The following TUBB1 variants were observed in gnomAD, a reference collection of about 807,000 sequenced individuals.
The protein encoded by TUBB1 is tubulin beta-1 chain.
Under a neutral mutation model 22.6 loss-of-function variants are expected in TUBB1, and 28 were observed. The observed-to-expected ratio is 1.24, with a 90% CI of 0.92 to 1.70. The LOEUF is 1.70. TUBB1 is among the 40% of genes most tolerant of loss of function. The pLI, the probability that TUBB1 is intolerant of heterozygous loss-of-function variation, is 0.00. For missense variants in TUBB1, 577 were observed against 605.5 expected, an observed-to-expected ratio of 0.95 and a Z score of 0.49; for synonymous variants, 226 against 238.0, an observed-to-expected ratio of 0.95 and a Z score of 0.46.
chr20:59,023,655 CCTTCT>C, intron 3 of TUBB1, 45 bp from the exon 4 acceptor site: 1 of 1,613,172 alleles, frequency 6.2e-7, no homozygotes, highest in Non-Finnish European at 8.5e-7. Flanking sequence ...TTACTGGTGC[CCTTCT>C]CTTTTCACCT....
chr20:59,018,221 A>G (rs1344227496), upstream of TUBB1, among the ~76,000 whole-genome samples: 1 of 152,148 alleles, frequency 6.6e-6, no homozygotes, highest in African/African-American at 2.4e-5. Context: ...CCTCCTGGGC[A>G]AGGATATGGA....
chr20:59,026,566 T>C lies in TUBB1; in HGVS notation c.*1783T>C, dbSNP rs1434477496. 1 of 152,244 alleles carries C rather than the reference T, an allele frequency of 6.6e-6. No individual in the cohort carries two copies. Among genetic ancestry groups the C allele is most frequent in the East Asian group, 1.9e-4 (1 of 5,196 alleles). The allele number at this position is 152,244 out of a possible 1,614,324, so 9.4% of individuals were successfully genotyped here. A position where few individuals can be genotyped will look rare whatever the true frequency, so the allele number is the denominator to read the frequency against. On this transcript the variant is annotated 3_prime_UTR_variant, in exon 4 of 4. Coordinates refer to ENST00000217133, the MANE Select transcript of TUBB1 (RefSeq NM_030773.4). Reference sequence around the variant, plus strand: ...TTACTGTAAAGATTTGTTTGCTCAATAGTAATCATTAAACTACAAAGTAAT... The same window carrying C: ...TTACTGTAAAGATTTGTTTGCTCAACAGTAATCATTAAACTACAAAGTAAT...
chr20:59,018,551 G>A (rs1010390887), upstream of TUBB1, among the ~76,000 whole-genome samples: 5 of 152,044 alleles, frequency 3.3e-5, no homozygotes, highest in African/African-American at 4.8e-5. Flanking sequence ...GAGACTACAT[G>A]TGTGTGCCAC....
intron 1 of TUBB1, 126 bp from the exon 2 acceptor site, chr20:59,022,719 C>T (rs1326211067): frequency 1.3e-6 from 1 of 795,108 alleles, no homozygotes; most frequent in Non-Finnish European, 2.2e-6. Flanking sequence ...ATGAAAAGGC[C>T]CTAAAAGAAT....
At chr20:59,019,071 G>A (rs990142484), upstream of TUBB1, among the ~76,000 whole-genome samples, 1 of 152,198 alleles carries the variant, frequency 6.6e-6, no homozygotes, top group African/African-American at 2.4e-5. Context: ...AAAGGGGCCG[G>A]GAAGATGGAC....
intron 1 of TUBB1, among the ~76,000 whole-genome samples, chr20:59,020,075 C>T (rs2091961031): frequency 6.6e-6 from 1 of 151,844 alleles, no homozygotes; most frequent in Admixed American, 6.6e-5. Flanking sequence ...ACAGGGATCT[C>T]ACTTTGTTGC....
At chr20:59,016,937 A>G (rs998618025), upstream of TUBB1, among the ~76,000 whole-genome samples, 1 of 152,174 alleles carries the variant, frequency 6.6e-6, no homozygotes, top group Non-Finnish European at 1.5e-5. Flanking sequence ...TGAGCACAAA[A>G]AAGTTCCAAA....
At chr20:59,019,793 A>G (rs1053150465) in intron 1 of TUBB1, among the ~76,000 whole-genome samples, 2 of 152,220 alleles carry the variant, frequency 1.3e-5, no homozygotes, top group African/African-American at 4.8e-5. Flanking sequence ...TACAACACAC[A>G]TTAAGTGCTT....
rs760429735 is a variant in TUBB1, at chr20:59,019,513, C to CA, written c.-9dup. On this transcript the variant is annotated 5_prime_UTR_variant, in exon 1 of 4. Transcript: ENST00000217133. ...TCCGTGAAGATCTCAGACTTGGGCT[C>CA]AGAGCAAGGATGCGTGAAATTGTCC... 3.1e-6 allele frequency: 5 copies of CA among 1,613,986 alleles called. No homozygotes were observed. In the Admixed American group the frequency reaches 8.3e-5, roughly 27 times the overall value.
rs1206902048 is a variant in TUBB1 at position 59,024,998 on chromosome 20, A to C, written c.*215A>C. ...ACATCTACTAACCTTGAAGAGTTTG[A>C]TGTTCAGTGCATACTTATTAACTTA... On this transcript the variant is annotated 3_prime_UTR_variant, in exon 4 of 4. Coordinates refer to ENST00000217133, the MANE Select transcript of TUBB1 (RefSeq NM_030773.4). This position sits in a 1 kb window ranked among gnomAD's most constrained non-coding sequence, Gnocchi z 4.9. 1 of 610,500 alleles carries C rather than the reference A, an allele frequency of 1.6e-6. No homozygotes were observed. Among genetic ancestry groups the C allele is most frequent in the Non-Finnish European group, 2.9e-6 (1 of 342,452 alleles). 37.8% of individuals were successfully genotyped at this position (610,500 alleles called of 1,614,324 possible).
rs748132439 is a variant in TUBB1 at position 59,023,793 on chromosome 20, CGA to C, written c.370_371del (p.Ser124Ter). Reference sequence around the variant, plus strand: ...AGAATGTCCTAGAGGTGGTGAGGCACGAGAGTGAGAGCTGTGACTGCCTGCAG... The same window carrying C: ...AGAATGTCCTAGAGGTGGTGAGGCACGAGTGAGAGCTGTGACTGCCTGCAG... ...IENVLEVVRH[E>X]SESCDCLQGF... On this transcript the variant is annotated frameshift_variant, in exon 4 of 4. Transcript: ENST00000217133. LOFTEE classifies it high-confidence loss of function. The C allele has an allele frequency of 3.1e-6, 5 of 1,614,016 alleles. No homozygotes were observed. Among genetic ancestry groups the C allele is most frequent in the South Asian group, 1.1e-5 (1 of 91,084 alleles).
chr20:59,024,574 G>C lies in TUBB1; in HGVS notation c.1147G>C (p.Glu383Gln). ...AIQEIFNRVS[E>Q]HFSAMFKRKA... ...CCAAGAGATCTTTAATAGGGTCTCTGAGCATTTCTCAGCCATGTTCAAAAG... is the reference window on the plus strand; with the variant it reads ...CCAAGAGATCTTTAATAGGGTCTCTCAGCATTTCTCAGCCATGTTCAAAAG... Residue 383 changes from glutamate to glutamine, a missense_variant, in exon 4 of 4, where the codon GAG (glutamate) becomes CAG (glutamine). By Grantham distance (29) the Glu-to-Gln change is conservative. Transcript: ENST00000217133. This position sits in a 1 kb window ranked among gnomAD's most constrained non-coding sequence, Gnocchi z 4.9. 6.2e-7 allele frequency: 1 copy of C among 1,614,196 alleles called. No homozygotes were observed. The highest frequency in any genetic ancestry group is 1.3e-5 in the African/African-American group (1 of 75,042).
At position 59,023,499 on chromosome 20, in the gene TUBB1, A is replaced by G. The variant is rs1343075445; in HGVS notation, c.176A>G (p.Tyr59Cys). ...CTATTTTTCTACACAGGTAGGAAAT[A>G]TGTGCCCCGAGCAGTCTTGGTGGAC... is the stretch of plus-strand genomic sequence containing the variant. ...VYYNEAYGRKYVPRAVLVDLE... is the reference protein window; with the variant it reads ...VYYNEAYGRKCVPRAVLVDLE... Residue 59 changes from tyrosine (Y) to cysteine (C), a missense_variant, in exon 3 of 4, where the codon TAT becomes TGT. By Grantham distance (194) the Tyr-to-Cys change is radical. Transcript: ENST00000217133. The G allele has an allele frequency of 6.2e-7, 1 of 1,614,104 alleles. No homozygotes were observed. Among genetic ancestry groups the G allele is most frequent in the Admixed American group, 1.7e-5 (1 of 60,024 alleles).
Position 59,019,596 on chromosome 20 carries a change from T to C in TUBB1, c.57+17T>C. Reference sequence around the variant, plus strand: ...GGAGCCAAGGTAAGTAATGTCTGGTTACTAATCCTAGCTTTACCACAGTCC... The same window carrying C: ...GGAGCCAAGGTAAGTAATGTCTGGTCACTAATCCTAGCTTTACCACAGTCC... On this transcript the variant is annotated intron_variant, in intron 1 of 3. Coordinates refer to ENST00000217133, the MANE Select transcript of TUBB1 (RefSeq NM_030773.4). 3 of 1,614,034 alleles carry C rather than the reference T, an allele frequency of 1.9e-6. No homozygotes were observed. Among genetic ancestry groups the C allele is most frequent in the Non-Finnish European group, 2.5e-6 (3 of 1,179,854 alleles).
Position 59,023,821 on chromosome 20 carries a change from G to A in TUBB1, c.394G>A (p.Gly132Ser). Residue 132 changes from glycine (G) to serine (S), a missense_variant, in exon 4 of 4, where the codon GGC (glycine) becomes AGC (serine). Transcript: ENST00000217133. ...HESESCDCLQ[G>S]FQIVHSLGGG... ...GAGTGAGAGCTGTGACTGCCTGCAG[G>A]GCTTCCAGATCGTCCACTCCCTGGG... 1 of 1,614,166 alleles carries A rather than the reference G, an allele frequency of 6.2e-7. No individual in the cohort carries two copies. The highest frequency in any genetic ancestry group is 1.1e-5 in the South Asian group (1 of 91,082).
chr20:59,024,205 T>C lies in TUBB1; in HGVS notation c.778T>C (p.Phe260Leu), dbSNP rs1269989508. The C allele has an allele frequency of 6.2e-7, 1 of 1,614,176 alleles. No individual in the cohort carries two copies. The highest frequency in any genetic ancestry group is 1.1e-5 in the South Asian group (1 of 91,086). The change falls in exon 4 of 4, where the codon TTC (phenylalanine) becomes CTC (leucine). Residue 260 changes from phenylalanine (F) to leucine (L), a missense_variant. Physicochemically the swap from Phe to Leu is conservative, Grantham distance 22 (BLOSUM62 0). Transcript: ENST00000217133. This position sits in a 1 kb window ranked among gnomAD's most constrained non-coding sequence, Gnocchi z 4.9. ...LRKLAVNMVP[F>L]PRLHFFMPGF... ...CAAGCTGGCGGTGAACATGGTCCCC[T>C]TCCCCCGCCTGCACTTCTTTATGCC...
At chr20:59,020,688 TAA>T (rs773309408) in intron 1 of TUBB1, among the ~76,000 whole-genome samples, 9 of 152,172 alleles carry the variant, frequency 5.9e-5, no homozygotes, top group African/African-American at 9.7e-5. Flanking sequence ...TAATTGAAAA[TAA>T]AAGTTTTTTG....
chr20:59,017,127 T>C (rs1209744363), upstream of TUBB1, among the ~76,000 whole-genome samples: 1 of 152,226 alleles, frequency 6.6e-6, no homozygotes, highest in Non-Finnish European at 1.5e-5. Context: ...TGCTTCATAA[T>C]ATGGGATCTC....
chr20:59,022,316 CAAAAA>C (rs10590022), intron 1 of TUBB1, among the ~76,000 whole-genome samples: 1 of 104,374 alleles, frequency 9.6e-6, no homozygotes. Flanking sequence ...AAGACTCCAT[CAAAAA>C]AAAAAAAAAA....
Sources: allele counts gnomAD v4.1 joint callset (sites outside exome capture counted in the v4.1 genomes callset), GRCh38; gene constraint gnomAD v4.1.1; non-coding constraint Gnocchi (gnomAD v3.1); transcripts MANE v1.5; gene names NCBI Gene and HGNC (gene_info 2026-07-23, HGNC 2026-07-21).